The following PAK1 variants were observed in gnomAD, a reference collection of about 807,000 sequenced individuals.
PAK1 encodes p21 (RAC1) activated kinase 1, also known as serine/threonine-protein kinase PAK 1.
In PAK1, 29 loss-of-function variants were observed where a neutral mutation model predicts 67.4. The observed-to-expected ratio is 0.43, with a 90% CI of 0.32 to 0.59. PAK1 has a LOEUF of 0.59. PAK1 is among the 20% of genes least tolerant of loss of function. The pLI, the probability that PAK1 is intolerant of heterozygous loss-of-function variation, is 0.07. For missense variants in PAK1, 337 were observed against 670.7 expected, an observed-to-expected ratio of 0.50 and a Z score of 5.50; for synonymous variants, 223 against 237.4, an observed-to-expected ratio of 0.94 and a Z score of 0.56.
chr11:77,406,713 A>T (rs894205021), intron 1 of PAK1, among the ~76,000 whole-genome samples: 4 of 152,170 alleles, frequency 2.6e-5, no homozygotes, highest in Admixed American at 2.0e-4. Flanking sequence ...AAAGGTCAAG[A>T]CTGCAGTGAG....
intron 5 of PAK1, among the ~76,000 whole-genome samples, chr11:77,364,469 A>G (rs1310424621): frequency 6.6e-6 from 1 of 152,204 alleles, no homozygotes; most frequent in African/African-American, 2.4e-5. Flanking sequence ...ACAAAAAAAC[A>G]ACAAACACTG....
intron 1 of PAK1, among the ~76,000 whole-genome samples, chr11:77,401,586 A>G (rs1020984098): frequency 4.6e-5 from 7 of 152,152 alleles, no homozygotes; most frequent in Admixed American, 6.5e-5. Context: ...TTTCATCTCT[A>G]CTATTCCCTA....
chr11:77,340,601 A>G (rs373412134), intron 11 of PAK1, 45 bp downstream of exon 11: 3 of 935,568 alleles, frequency 3.2e-6, no homozygotes, highest in Non-Finnish European at 5.4e-6. Flanking sequence ...AGACAGGAAT[A>G]TGGAGGCAGC....
intron 1 of PAK1, among the ~76,000 whole-genome samples, chr11:77,439,570 G>C (rs1315988168): frequency 7.1e-6 from 1 of 140,936 alleles, no homozygotes; most frequent in African/African-American, 2.5e-5. Context: ...TCTCTTTTCA[G>C]ACAATTACAG....
At chr11:77,408,455 G>A (rs1266845638) in intron 1 of PAK1, among the ~76,000 whole-genome samples, 1 of 151,444 alleles carries the variant, frequency 6.6e-6, no homozygotes, top group East Asian at 1.9e-4. Context: ...AATAATAGAT[G>A]CTGGCAAGGA....
At chr11:77,527,108 T>C in the PAK1 span, among the ~76,000 whole-genome samples, 3 of 152,148 alleles carry the variant, frequency 2.0e-5, no homozygotes, top group Admixed American at 1.3e-4. Flanking sequence ...TTTTTTATTT[T>C]CTTTATTCTT....
chr11:77,393,803 G>A (rs1313992629), intron 1 of PAK1, among the ~76,000 whole-genome samples: 1 of 152,118 alleles, frequency 6.6e-6, no homozygotes, highest in Non-Finnish European at 1.5e-5. Flanking sequence ...AGGAGTTTGA[G>A]ACCAGCCTGG....
intron 1 of PAK1, among the ~76,000 whole-genome samples, chr11:77,414,308 A>C (rs1056873167): frequency 6.6e-6 from 1 of 152,212 alleles, no homozygotes; most frequent in South Asian, 2.1e-4. Context: ...CCACATCTTC[A>C]AGGAGGTGAT....
the PAK1 span, among the ~76,000 whole-genome samples, chr11:77,507,516 C>A: frequency 6.6e-6 from 1 of 152,020 alleles, no homozygotes; most frequent in Non-Finnish European, 1.5e-5. Flanking sequence ...AATTTCAAAT[C>A]CAATATACTT....
intron 14 of PAK1, among the ~76,000 whole-genome samples, chr11:77,327,693 AAG>A (rs1940364720): frequency 6.6e-6 from 1 of 152,264 alleles, no homozygotes; most frequent in South Asian, 2.1e-4. Flanking sequence ...CCAAATTGTA[AAG>A]ACCATCAAGG....
chr11:77,372,108 C>T (rs1948515536), intron 5 of PAK1, among the ~76,000 whole-genome samples: 1 of 152,192 alleles, frequency 6.6e-6, no homozygotes, highest in African/African-American at 2.4e-5. Flanking sequence ...ATCATGCTTA[C>T]ATAAAGTTTT....
Position 77,392,362 on chromosome 11 carries a change from T to C in PAK1, c.159A>G (p.Arg53=). 1 of 1,605,592 alleles carries C rather than the reference T, an allele frequency of 6.2e-7. No individual in the cohort carries two copies. The highest frequency in any genetic ancestry group is 8.5e-7 in the Non-Finnish European group (1 of 1,174,440). ...PNPEEKKKKD[R]FYRSILPGDK... ...CTCCAGGTAAAATGGATCGGTAAAA[T>C]CGGTCCTTCTTTTTCTTCTCCTCTG... Residue 53 remains arginine (R), a synonymous_variant, in exon 2 of 15, where the codon CGA becomes CGG. Transcript: ENST00000356341.
chr11:77,360,921 A>G (rs1946696051), intron 5 of PAK1, among the ~76,000 whole-genome samples: 1 of 152,182 alleles, frequency 6.6e-6, no homozygotes, highest in Non-Finnish European at 1.5e-5. Flanking sequence ...GAGAGATGTA[A>G]GGAATCAATT....
intron 1 of PAK1, among the ~76,000 whole-genome samples, chr11:77,462,832 C>CAA (rs1272402181): frequency 1.1e-5 from 1 of 93,624 alleles, no homozygotes; most frequent in African/African-American, 3.8e-5. Context: ...CCTCCATCTC[C>CAA]AAAAAAAAAA....
chr11:77,386,184 G>A (rs34414162), intron 2 of PAK1, among the ~76,000 whole-genome samples: 1 of 152,168 alleles, frequency 6.6e-6, no homozygotes, highest in East Asian at 1.9e-4. Flanking sequence ...TCTTGGTATA[G>A]CCATCAAAGT....
the PAK1 span, among the ~76,000 whole-genome samples, chr11:77,519,791 A>T: frequency 1.3e-5 from 2 of 152,242 alleles, no homozygotes; most frequent in Non-Finnish European, 2.9e-5. Flanking sequence ...TAGTTCAGCT[A>T]ATACCAGGTT....
chr11:77,466,193 G>A (rs769271052), intron 1 of PAK1, among the ~76,000 whole-genome samples: 15 of 152,152 alleles, frequency 9.9e-5, no homozygotes, highest in African/African-American at 1.7e-4. Context: ...AATCACTGTC[G>A]AAATATTCAA....
At chr11:77,446,578 T>A (rs1956621373) in intron 1 of PAK1, among the ~76,000 whole-genome samples, 1 of 149,638 alleles carries the variant, frequency 6.7e-6, no homozygotes. Flanking sequence ...ATGATGGAGC[T>A]AAGATTTGAA....
intron 2 of PAK1, among the ~76,000 whole-genome samples, chr11:77,382,003 G>A (rs1400144943): frequency 1.3e-5 from 2 of 152,166 alleles, no homozygotes; most frequent in Admixed American, 1.3e-4. Context: ...TGGAACATGT[G>A]GCAGGGCTTT....
Sources: gnomAD v4.1 joint callset for allele counts (sites outside exome capture counted in the v4.1 genomes callset) on GRCh38, gnomAD v4.1.1 for gene constraint, MANE v1.5 for transcripts, NCBI Gene and HGNC (gene_info 2026-07-23, HGNC 2026-07-21) for gene names.